Variants in CPED1 observed in about 807,000 individuals in gnomAD.
CPED1 encodes the protein cadherin-like and PC-esterase domain-containing protein 1.
CPED1 carries 114 observed loss-of-function variants against 128.2 expected under a neutral mutation model. That is an observed-to-expected ratio of 0.89 (90% CI 0.76 to 1.04). The LOEUF is 1.04. CPED1 is among the 50% of genes least tolerant of loss of function. The pLI is 0.00. For synonymous variants in CPED1, 462 were observed against 426.7 expected (o/e 1.08, Z -1.02); for missense variants, 1,211 against 1,207.1 (o/e 1.00, Z -0.05).
intron 16 of CPED1, among the ~76,000 whole-genome samples, chr7:121,186,188 C>T (rs1417003557): frequency 6.6e-6 from 1 of 152,126 alleles, no homozygotes; most frequent in Admixed American, 6.6e-5. Flanking sequence ...GACAAACTTG[C>T]AAATCTTGTC....
intron 22 of CPED1, among the ~76,000 whole-genome samples, chr7:121,286,020 C>T (rs1309553330): frequency 6.6e-6 from 1 of 152,188 alleles, no homozygotes; most frequent in Non-Finnish European, 1.5e-5. Context: ...TTAATTGACT[C>T]ACAGTTCAGC....
intron 17 of CPED1, among the ~76,000 whole-genome samples, chr7:121,240,187 G>C (rs922689134): frequency 6.6e-6 from 1 of 152,194 alleles, no homozygotes; most frequent in Non-Finnish European, 1.5e-5. Context: ...GCGATTTCAT[G>C]TCCACAAACT....
At chr7:121,256,415 A>G (rs1791878885) in intron 18 of CPED1, among the ~76,000 whole-genome samples, 3 of 152,054 alleles carry the variant, frequency 2.0e-5, no homozygotes, top group Admixed American at 1.3e-4. Flanking sequence ...ACTTTTCACC[A>G]TATACAAAAA....
At position 121,184,365 on chromosome 7, in the gene CPED1, G is replaced by A. The variant is rs116501381; in HGVS notation, c.2055+42224G>A. The stretch of plus-strand genomic sequence containing the variant: ...ACAGTTACAAGAGTAATGTAGTTGA[G>A]ATTTTTGTTTCATTTCAGATAAATG... On this transcript the variant is annotated intron_variant, in intron 16 of 22. Coordinates refer to ENST00000310396, the MANE Select transcript of CPED1 (RefSeq NM_024913.5). Among the ~76,000 whole-genome samples the A allele has an allele frequency of 2.4e-3, 371 of 152,212 alleles. 2 individuals are homozygous for A. Among genetic ancestry groups the A allele is most frequent in the African/African-American group, 8.7e-3 (361 of 41,544 alleles).
At chr7:121,060,063 G>C (rs958217729) in intron 4 of CPED1, among the ~76,000 whole-genome samples, 17 of 152,310 alleles carry the variant, frequency 1.1e-4, no homozygotes, top group African/African-American at 3.6e-4. Flanking sequence ...CCTGCACTCG[G>C]AGCAGCCGGC....
intron 5 of CPED1, 58 bp from the exon 6 acceptor site, chr7:121,097,641 A>T: frequency 6.3e-7 from 1 of 1,595,974 alleles, no homozygotes; most frequent in African/African-American, 1.3e-5. Flanking sequence ...CTATTTTCAA[A>T]GCAGTTCCAG....
intron 16 of CPED1, among the ~76,000 whole-genome samples, chr7:121,166,200 G>A (rs374088884): frequency 6.6e-6 from 1 of 152,044 alleles, no homozygotes; most frequent in East Asian, 1.9e-4. Context: ...ACATGGATTG[G>A]GTGTGGCATC....
chr7:121,068,743 A>G (rs1025207004), intron 5 of CPED1, among the ~76,000 whole-genome samples: 1 of 151,570 alleles, frequency 6.6e-6, no homozygotes, highest in Non-Finnish European at 1.5e-5. Flanking sequence ...CTTCCTACCC[A>G]TGAGCATGGA....
chr7:121,024,283 T>G (rs1489732808), intron 3 of CPED1, among the ~76,000 whole-genome samples: 2 of 152,136 alleles, frequency 1.3e-5, no homozygotes, highest in East Asian at 1.9e-4. Context: ...ATTTTCTTAT[T>G]TATAAAAGTT....
intron 18 of CPED1, among the ~76,000 whole-genome samples, chr7:121,254,305 T>C (rs1798754236): frequency 6.6e-6 from 1 of 152,086 alleles, no homozygotes; most frequent in South Asian, 2.1e-4. Flanking sequence ...TGCTCCTGAA[T>C]AACTTTTGGG....
At chr7:121,056,605 G>A (rs1411712907) in intron 4 of CPED1, among the ~76,000 whole-genome samples, 1 of 152,144 alleles carries the variant, frequency 6.6e-6, no homozygotes, top group Non-Finnish European at 1.5e-5. Context: ...GACAATGAAA[G>A]TGTCAATAAC....
intron 18 of CPED1, among the ~76,000 whole-genome samples, chr7:121,258,700 C>T (rs1791945010): frequency 6.6e-6 from 1 of 152,022 alleles, no homozygotes; most frequent in Non-Finnish European, 1.5e-5. Context: ...CTTCAGTGTG[C>T]TCCAGTTCAC....
chr7:121,158,228 TAAAC>T (rs1473241551), intron 16 of CPED1, among the ~76,000 whole-genome samples: 1 of 152,216 alleles, frequency 6.6e-6, no homozygotes, highest in Admixed American at 6.5e-5. Flanking sequence ...TGTTATAAAT[TAAAC>T]AAATACATTT....
chr7:121,069,957 G>A (rs1793946787), intron 5 of CPED1, among the ~76,000 whole-genome samples: 1 of 152,018 alleles, frequency 6.6e-6, no homozygotes, highest in African/African-American at 2.4e-5. Flanking sequence ...TTAGCTCTGA[G>A]CACTGACCTT....
chr7:121,248,210 G>A (rs1013155205), intron 18 of CPED1, among the ~76,000 whole-genome samples: 28 of 136,446 alleles, frequency 2.1e-4, no homozygotes, highest in Non-Finnish European at 4.4e-4. Context: ...CACTAAGAGG[G>A]ATGACATGTG....
intron 2 of CPED1, among the ~76,000 whole-genome samples, chr7:121,008,886 T>G (rs1792092627): frequency 6.6e-6 from 1 of 152,124 alleles, no homozygotes; most frequent in Non-Finnish European, 1.5e-5. Context: ...GAAAGAATGA[T>G]GAGAACAAGC....
At position 120,989,656 on chromosome 7, in the gene CPED1, G is replaced by A. The variant is rs760551767; in HGVS notation, c.35G>A (p.Arg12Gln). 1.2e-6 allele frequency: 2 copies of A among 1,613,908 alleles called. No homozygotes were observed. Among genetic ancestry groups the A allele is most frequent in the Non-Finnish European group, 1.7e-6 (2 of 1,180,008 alleles). ...CGCCCAGTGTTCCCTTGTCGTCGGC[G>A]ATTTTGCCCCCGACCCTTCTTGGTG... Reference protein sequence around the residue: ...VCRPVFPCRRRFCPRPFLVGL... With the variant: ...VCRPVFPCRRQFCPRPFLVGL... The change falls in exon 2 of 23, where the codon CGA becomes CAA. Residue 12 changes from arginine to glutamine, a missense_variant. By Grantham distance (43) the Arg-to-Gln change is conservative. Transcript: ENST00000310396.
Position 120,989,650 on chromosome 7 carries a change from G to A in CPED1, c.29G>A (p.Arg10His). Residue 10 changes from arginine to histidine, a missense_variant, in exon 2 of 23, where the codon CGT becomes CAT. Transcript: ENST00000310396. ...GTCTGTCGCCCAGTGTTCCCTTGTC[G>A]TCGGCGATTTTGCCCCCGACCCTTC... MVCRPVFPC[R>H]RRFCPRPFLV... 1 of 1,613,886 alleles carries A rather than the reference G, an allele frequency of 6.2e-7. No individual in the cohort carries two copies. The highest frequency in any genetic ancestry group is 8.5e-7 in the Non-Finnish European group (1 of 1,180,002).
intron 16 of CPED1, among the ~76,000 whole-genome samples, chr7:121,180,933 G>T (rs1451164315): frequency 3.9e-5 from 6 of 151,982 alleles, no homozygotes; most frequent in Non-Finnish European, 5.9e-5. Context: ...GTCAGCCAGG[G>T]TTGAAACTGT....
Sources: gnomAD v4.1 joint callset for allele counts (sites outside exome capture counted in the v4.1 genomes callset) on GRCh38, gnomAD v4.1.1 for gene constraint, MANE v1.5 for transcripts, NCBI Gene and HGNC (gene_info 2026-07-23, HGNC 2026-07-21) for gene names.